TAF3: variants seen among roughly 807,000 people sequenced by gnomAD.
The protein encoded by TAF3 is TATA-box binding protein associated factor 3.
A neutral mutation model predicts 80.6 loss-of-function variants in TAF3; 7 were observed. The observed-to-expected ratio is 0.09, with a 90% CI of 0.05 to 0.16. The LOEUF is 0.16. Ranked by LOEUF, TAF3 falls within the 10% of genes least tolerant of loss-of-function variation. The probability of loss-of-function intolerance (pLI) is 1.00; values close to 1 mark genes in which losing one functional copy is unlikely to be tolerated. For synonymous variants in TAF3, 444 were observed against 446.1 expected (o/e 1.00, Z 0.06); for missense variants, 921 against 1,140.2 (o/e 0.81, Z 2.77).
At position 7,842,179 on chromosome 10, in the gene TAF3, T is replaced by G. The variant is rs1466421538; in HGVS notation, c.409+17619T>G. ...TTTTTTTTTTGTTTTTTTTTTTGTTTTTTTTTTTTTTTGAGACAGAGTCTT... is the reference window on the plus strand; with the variant it reads ...TTTTTTTTTTGTTTTTTTTTTTGTTGTTTTTTTTTTTTGAGACAGAGTCTT... On this transcript the variant is annotated intron_variant, in intron 2 of 6. Coordinates refer to ENST00000344293, the MANE Select transcript of TAF3 (RefSeq NM_031923.4). Among the ~76,000 whole-genome samples the G allele has an allele frequency of 2.5e-4, 30 of 122,244 alleles. 1 individual carries two copies. Among genetic ancestry groups the G allele is most frequent in the East Asian group, 8.3e-4 (4 of 4,814 alleles). 80.2% of individuals were successfully genotyped at this position (122,244 alleles called of 152,430 possible). A position where few individuals can be genotyped will look rare whatever the true frequency, so the allele number is the denominator to read the frequency against.
intron 2 of TAF3, among the ~76,000 whole-genome samples, chr10:7,923,822 T>A (rs554822361): frequency 2.0e-5 from 3 of 152,128 alleles, no homozygotes; most frequent in Non-Finnish European, 4.4e-5. Flanking sequence ...TTTTTGCACA[T>A]AATTGACTTT....
At chr10:7,946,735 AAAG>A (rs1838028144) in intron 2 of TAF3, among the ~76,000 whole-genome samples, 1 of 152,134 alleles carries the variant, frequency 6.6e-6, no homozygotes, top group Non-Finnish European at 1.5e-5. Flanking sequence ...AACGAAAAAA[AAAG>A]AAGGAAAGTG....
chr10:8,015,744 G>A lies in TAF3; in HGVS notation c.*993G>A, dbSNP rs1246042500. On this transcript the variant is annotated 3_prime_UTR_variant, in exon 7 of 7. Coordinates refer to ENST00000344293, the MANE Select transcript of TAF3 (RefSeq NM_031923.4). Reference sequence around the variant, plus strand: ...CCCGAGCAGTTGGAAGGAAAACAAGGCAATTTAAATTTAGAGTTTATGACT... The same window carrying A: ...CCCGAGCAGTTGGAAGGAAAACAAGACAATTTAAATTTAGAGTTTATGACT... The A allele has an allele frequency of 1.3e-5, 2 of 151,908 alleles. No individual in the cohort carries two copies. The highest frequency in any genetic ancestry group is 2.9e-5 in the Non-Finnish European group (2 of 67,994). 9.4% of individuals were successfully genotyped at this position (151,908 alleles called of 1,614,324 possible).
intron 2 of TAF3, among the ~76,000 whole-genome samples, chr10:7,879,772 T>C (rs1837343655): frequency 6.6e-6 from 1 of 152,242 alleles, no homozygotes; most frequent in African/African-American, 2.4e-5. Flanking sequence ...GATTTTGGCC[T>C]TGTTTCTTAG....
chr10:7,845,449 A>G (rs1039834611), intron 2 of TAF3, among the ~76,000 whole-genome samples: 2 of 152,186 alleles, frequency 1.3e-5, no homozygotes, highest in African/African-American at 2.4e-5. Flanking sequence ...GGGCAGTGCT[A>G]GGGGTAGGGG....
intron 2 of TAF3, among the ~76,000 whole-genome samples, chr10:7,877,027 A>G (rs1242733729): frequency 8.3e-6 from 1 of 120,498 alleles, no homozygotes; most frequent in Non-Finnish European, 1.9e-5. Flanking sequence ...TCTGCTCACT[A>G]CTTTTTTTTT....
chr10:7,860,425 T>A (rs1483812066), intron 2 of TAF3, among the ~76,000 whole-genome samples: 1 of 152,186 alleles, frequency 6.6e-6, no homozygotes, highest in Admixed American at 6.5e-5. Context: ...AATCACAGCC[T>A]CTTCTTTCCT....
intron 2 of TAF3, among the ~76,000 whole-genome samples, chr10:7,935,607 G>C (rs1432020411): frequency 6.6e-6 from 1 of 151,960 alleles, no homozygotes; most frequent in Non-Finnish European, 1.5e-5. Flanking sequence ...AATAAAGCAA[G>C]CAAGCTAAAG....
chr10:7,935,049 G>A (rs889055128), intron 2 of TAF3, among the ~76,000 whole-genome samples: 2 of 152,032 alleles, frequency 1.3e-5, no homozygotes, highest in East Asian at 1.9e-4. Context: ...GGCCAAGGAC[G>A]GTGGATCACT....
chr10:7,934,369 A>G (rs773523603), intron 2 of TAF3, among the ~76,000 whole-genome samples: 4 of 152,204 alleles, frequency 2.6e-5, no homozygotes, highest in African/African-American at 7.2e-5. Flanking sequence ...CTTAGATTCA[A>G]TGAAATGTGG....
At chr10:8,003,648 C>T (rs1423800299) in intron 4 of TAF3, among the ~76,000 whole-genome samples, 1 of 152,208 alleles carries the variant, frequency 6.6e-6, no homozygotes, top group Non-Finnish European at 1.5e-5. Context: ...TTTAATGCAG[C>T]ATTAAAGAAG....
chr10:7,941,507 G>A, intron 2 of TAF3, among the ~76,000 whole-genome samples: 1 of 152,142 alleles, frequency 6.6e-6, no homozygotes, highest in African/African-American at 2.4e-5. Context: ...AGAGTTGAGT[G>A]GGCCGTGTAG....
At chr10:7,977,699 G>C (rs1033438887) in intron 4 of TAF3, among the ~76,000 whole-genome samples, 1 of 152,206 alleles carries the variant, frequency 6.6e-6, no homozygotes, top group Non-Finnish European at 1.5e-5. Flanking sequence ...CATAGTATCT[G>C]TCACCATGAC....
intron 2 of TAF3, among the ~76,000 whole-genome samples, chr10:7,857,967 A>C (rs1837099375): frequency 6.8e-6 from 1 of 146,190 alleles, no homozygotes; most frequent in Non-Finnish European, 1.5e-5. Flanking sequence ...TGCCAGCTGA[A>C]TTATCTGGGG....
chr10:7,827,810 T>G (rs1177656120), intron 2 of TAF3, among the ~76,000 whole-genome samples: 4 of 149,682 alleles, frequency 2.7e-5, no homozygotes, highest in African/African-American at 9.9e-5. Context: ...AAACAAAAAC[T>G]TAGCTGGGCA....
At chr10:7,834,495 A>G (rs1232576858) in intron 2 of TAF3, among the ~76,000 whole-genome samples, 1 of 152,164 alleles carries the variant, frequency 6.6e-6, no homozygotes, top group Non-Finnish European at 1.5e-5. Context: ...CTTATTATAT[A>G]TAACTCGGTT....
Position 8,009,632 on chromosome 10 carries a change from T to A in TAF3, c.2568+302T>A, listed in dbSNP as rs1832033839. 6.6e-6 allele frequency among the ~76,000 whole-genome samples: 1 copy of A among 151,782 alleles called. No individual in the cohort carries two copies. The highest frequency in any genetic ancestry group is 1.5e-5 in the Non-Finnish European group (1 of 67,950). The stretch of plus-strand genomic sequence containing the variant: ...GACACGTTTCTTTTTTTTTCTTTTT[T>A]TTTTTTGAGACAGAGTTTCGCTCTT... On this transcript the variant is annotated intron_variant, in intron 5 of 6. Coordinates refer to ENST00000344293, the MANE Select transcript of TAF3 (RefSeq NM_031923.4). This position sits in a 1 kb window ranked among gnomAD's most constrained non-coding sequence, Gnocchi z 4.1.
intron 2 of TAF3, among the ~76,000 whole-genome samples, chr10:7,879,501 T>C (rs1837340330): frequency 6.6e-6 from 1 of 152,256 alleles, no homozygotes; most frequent in African/African-American, 2.4e-5. Context: ...AACTGTCTTA[T>C]TTGGAAAATG....
chr10:8,008,258 G>A (rs924943207), intron 4 of TAF3, among the ~76,000 whole-genome samples: 1 of 151,926 alleles, frequency 6.6e-6, no homozygotes, highest in Non-Finnish European at 1.5e-5. Flanking sequence ...CACTGCACCC[G>A]GCTAATTTTT....
Sources: gnomAD v4.1 joint callset for allele counts (sites outside exome capture counted in the v4.1 genomes callset) on GRCh38, gnomAD v4.1.1 for gene constraint, Gnocchi (gnomAD v3.1) non-coding constraint, MANE v1.5 for transcripts, NCBI Gene and HGNC (gene_info 2026-07-23, HGNC 2026-07-21) for gene names.